RAP1A: variants seen among roughly 807,000 people sequenced by gnomAD.
RAP1A encodes the protein ras-related protein Rap-1A.
RAP1A carries 6 observed loss-of-function variants against 26.4 expected under a neutral mutation model. That is an observed-to-expected ratio of 0.23 (90% CI 0.12 to 0.45). The LOEUF (loss-of-function observed/expected upper bound fraction) is 0.45, where lower values mean the gene tolerates loss of function less well. Among genes scored for constraint, RAP1A ranks in the 20% least tolerant of loss-of-function variants. RAP1A has a pLI of 0.99. For synonymous variants in RAP1A, 73 were observed against 79.4 expected, an observed-to-expected ratio of 0.92 and a Z score of 0.43; for missense variants, 121 against 217.2, an observed-to-expected ratio of 0.56 and a Z score of 2.78.
chr1:111,634,001 C>G (rs1249753852), intron 1 of RAP1A, among the ~76,000 whole-genome samples: 1 of 152,174 alleles, frequency 6.6e-6, no homozygotes, highest in African/African-American at 2.4e-5. Context: ...TCTTAGCTGA[C>G]TCTGCTTAAC....
rs908443116 is a variant in RAP1A at position 111,568,183 on chromosome 1, C to A, written c.-28+25674C>A. On this transcript the variant is annotated intron_variant, in intron 1 of 7. Coordinates refer to the RAP1A transcript ENST00000356415. ...ACTGTGTTAGTCTGTTCTTGCATTA[C>A]TATAAAGGAATACCTGAGGCTGGGT... Among the ~76,000 whole-genome samples, 18 of 152,288 alleles carry A rather than the reference C, an allele frequency of 1.2e-4. No homozygotes were observed. In the South Asian group the frequency reaches 1.5e-3, roughly 12 times the overall value.
intron 1 of RAP1A, among the ~76,000 whole-genome samples, chr1:111,644,709 C>T (rs1179389365): frequency 6.6e-6 from 1 of 152,132 alleles, no homozygotes; most frequent in African/African-American, 2.4e-5. Flanking sequence ...GGATCAGAGC[C>T]AGATTATGTA....
intron 1 of RAP1A, among the ~76,000 whole-genome samples, chr1:111,631,185 T>TA (rs1462268365): frequency 5.9e-5 from 9 of 152,246 alleles, no homozygotes; most frequent in Non-Finnish European, 1.0e-4. Flanking sequence ...ATATTGTACT[T>TA]ATCCCTTCAA....
intron 1 of RAP1A, among the ~76,000 whole-genome samples, chr1:111,670,012 T>C (rs900003705): frequency 1.8e-4 from 27 of 152,034 alleles, no homozygotes; most frequent in African/African-American, 6.5e-4. Flanking sequence ...TAAATAACTA[T>C]TAAAGCTAAA....
intron 1 of RAP1A, among the ~76,000 whole-genome samples, chr1:111,610,011 C>A (rs928578786): frequency 1.3e-5 from 2 of 152,222 alleles, no homozygotes; most frequent in Non-Finnish European, 2.9e-5. Context: ...TTTAGTTTAA[C>A]ATCATTCACG....
intron 1 of RAP1A, among the ~76,000 whole-genome samples, chr1:111,665,818 C>T (rs1039046412): frequency 1.3e-5 from 2 of 152,154 alleles, no homozygotes; most frequent in Middle Eastern, 3.4e-3. Flanking sequence ...AGAAGCATTC[C>T]CAGTATTAAA....
chr1:111,566,564 C>A (rs963764377), intron 1 of RAP1A, among the ~76,000 whole-genome samples: 5 of 152,188 alleles, frequency 3.3e-5, no homozygotes, highest in East Asian at 1.9e-4. Context: ...AGAAACATCA[C>A]CTGGAATTTC....
intron 1 of RAP1A, among the ~76,000 whole-genome samples, chr1:111,664,921 A>G (rs373185867): frequency 6.6e-6 from 1 of 152,232 alleles, no homozygotes; most frequent in Non-Finnish European, 1.5e-5. Context: ...TTGTTGTTAT[A>G]TAACAGCATA....
rs536241968 is a variant in RAP1A at position 111,704,236 on chromosome 1, C to T, written c.325-107C>T. The T allele has an allele frequency of 2.2e-4, 252 of 1,169,220 alleles. 1 individual carries two copies. The Middle Eastern group carries it at 3.3e-3, about 15-fold the overall frequency. The allele number at this position is 1,169,220 out of a possible 1,614,324, so 72.4% of individuals were successfully genotyped here. A position where few individuals can be genotyped will look rare whatever the true frequency, so the allele number is the denominator to read the frequency against. ...GTTAGTATTTGATGAAGCTTGCGGT[C>T]CCAACTAATGCATTTCAGTTGGTGG... On this transcript the variant is annotated intron_variant, in intron 5 of 7. Coordinates refer to ENST00000369709, the MANE Select transcript of RAP1A (RefSeq NM_002884.4).
chr1:111,609,559 G>C (rs11102313), intron 1 of RAP1A, among the ~76,000 whole-genome samples: 1 of 151,998 alleles, frequency 6.6e-6, no homozygotes, highest in Non-Finnish European at 1.5e-5. Flanking sequence ...CTGGTGCTCC[G>C]CTCTGTGTCA....
At chr1:111,622,422 G>T (rs1303932138) in intron 1 of RAP1A, among the ~76,000 whole-genome samples, 1 of 152,130 alleles carries the variant, frequency 6.6e-6, no homozygotes, top group Non-Finnish European at 1.5e-5. Flanking sequence ...ATACACTGAG[G>T]TGTCTGCACT....
At chr1:111,620,143 G>A (rs1399279331) in intron 1 of RAP1A, among the ~76,000 whole-genome samples, 1 of 152,148 alleles carries the variant, frequency 6.6e-6, no homozygotes. Flanking sequence ...GCCAGGGCCA[G>A]AGCCAACCAC....
intron 1 of RAP1A, among the ~76,000 whole-genome samples, chr1:111,624,755 A>G (rs563040143): frequency 1.3e-5 from 2 of 152,222 alleles, no homozygotes; most frequent in Non-Finnish European, 2.9e-5. Context: ...ACGTGCGTTT[A>G]TAAGTGGTTT....
chr1:111,709,437 T>C (rs991581442), intron 7 of RAP1A, among the ~76,000 whole-genome samples, 173 bp downstream of exon 7: 2 of 152,186 alleles, frequency 1.3e-5, no homozygotes, highest in Non-Finnish European at 2.9e-5. Flanking sequence ...CCTCTCCCCT[T>C]GAGATTCTAA....
In RAP1A at chr1:111,607,828, C is replaced by A. The variant is rs868245597; in HGVS notation, c.-28+65319C>A. ...TGGCCGGGCGGGGGGCTGACCCCCC[C>A]ACCTCCCTCCCGGACGGGGCGGCTG... On this transcript the variant is annotated intron_variant, in intron 1 of 7. Transcript: ENST00000356415. Among the ~76,000 whole-genome samples the A allele has an allele frequency of 6.4e-3, 806 of 125,546 alleles. 28 individuals carry two copies. Among genetic ancestry groups the A allele is most frequent in the African/African-American group, 0.024 (767 of 31,492 alleles). 82.4% of individuals were successfully genotyped at this position (125,546 alleles called of 152,430 possible).
At chr1:111,602,841 AG>A (rs1173543822) in intron 1 of RAP1A, among the ~76,000 whole-genome samples, 2 of 152,216 alleles carry the variant, frequency 1.3e-5, no homozygotes, top group African/African-American at 4.8e-5. Context: ...CCAAAGTTGA[AG>A]GGATATACCT....
At chr1:111,695,556 A>G (rs961075940) in intron 3 of RAP1A, 147 bp downstream of exon 3, 14 of 532,060 alleles carry the variant, frequency 2.6e-5, no homozygotes, top group Middle Eastern at 4.4e-4. Flanking sequence ...AAGACAGAAC[A>G]TTTCTTAACA....
intron 1 of RAP1A, among the ~76,000 whole-genome samples, chr1:111,567,487 A>G (rs1571474951): frequency 6.6e-6 from 1 of 152,200 alleles, no homozygotes; most frequent in Non-Finnish European, 1.5e-5. Flanking sequence ...CCCCAGAATA[A>G]AATGACAATC....
At chr1:111,696,039 A>C (rs143097848) in intron 3 of RAP1A, among the ~76,000 whole-genome samples, 1 of 152,106 alleles carries the variant, frequency 6.6e-6, no homozygotes, top group Non-Finnish European at 1.5e-5. Flanking sequence ...AGTATGTGGG[A>C]AATCTCTGCA....
Sources: gnomAD v4.1 joint callset for allele counts (sites outside exome capture counted in the v4.1 genomes callset) on GRCh38, gnomAD v4.1.1 for gene constraint, MANE v1.5 for transcripts, NCBI Gene and HGNC (gene_info 2026-07-23, HGNC 2026-07-21) for gene names.